STXBP5L: variants seen among roughly 807,000 people sequenced by gnomAD.
STXBP5L encodes the protein syntaxin binding protein 5L, also known as syntaxin-binding protein 5-like.
A neutral mutation model predicts 144.5 loss-of-function variants in STXBP5L; 65 were observed. The observed-to-expected ratio is 0.45, with a 90% confidence interval of 0.37 to 0.55. The LOEUF (loss-of-function observed/expected upper bound fraction) is 0.55. STXBP5L is among the 20% of genes least tolerant of loss of function. The pLI is 0.00. For missense variants in STXBP5L, 1,298 were observed against 1,405.5 expected, an observed-to-expected ratio of 0.92 and a Z score of 1.22; for synonymous variants, 505 against 469.6, an observed-to-expected ratio of 1.08 and a Z score of -0.97.
intron 2 of STXBP5L, among the ~76,000 whole-genome samples, chr3:120,953,627 T>TG (rs1937691494): frequency 6.6e-6 from 1 of 151,854 alleles, no homozygotes; most frequent in African/African-American, 2.4e-5. Flanking sequence ...CATGGGCCAC[T>TG]GTGCCTAGCC....
chr3:120,933,529 A>G (rs1255349524), intron 2 of STXBP5L, among the ~76,000 whole-genome samples: 1 of 152,148 alleles, frequency 6.6e-6, no homozygotes, highest in Non-Finnish European at 1.5e-5. Context: ...ATATATTTTG[A>G]TGAGAGCATT....
chr3:121,317,961 G>C (rs896628006), intron 19 of STXBP5L, among the ~76,000 whole-genome samples: 6 of 152,000 alleles, frequency 3.9e-5, no homozygotes, highest in African/African-American at 1.2e-4. Flanking sequence ...GAGGATATTT[G>C]ATTAGGTATT....
intron 3 of STXBP5L, among the ~76,000 whole-genome samples, chr3:121,010,593 C>G (rs1490188776): frequency 2.0e-5 from 3 of 151,642 alleles, no homozygotes; most frequent in African/African-American, 7.3e-5. Context: ...ATCTGCCACA[C>G]CGTCAAAAGC....
chr3:121,303,750 C>T (rs2052026517), intron 19 of STXBP5L, among the ~76,000 whole-genome samples: 1 of 152,092 alleles, frequency 6.6e-6, no homozygotes, highest in African/African-American at 2.4e-5. Flanking sequence ...AAGCTGGAAA[C>T]CATCATTCTC....
At position 121,181,270 on chromosome 3, in the gene STXBP5L, C is replaced by T. The variant is rs370971726; in HGVS notation, c.877+23643C>T. On this transcript the variant is annotated intron_variant, in intron 9 of 26. Coordinates refer to ENST00000471454, the MANE Select transcript of STXBP5L (RefSeq NM_001308330.2). ...GGTGGAGGTATCAGTTAGCTGAGAT[C>T]GTGCCATTCCACTCCAGCCTGGGCA... Among the ~76,000 whole-genome samples the T allele has an allele frequency of 1.0e-4, 15 of 146,192 alleles. No homozygotes were observed. The South Asian group carries it at 2.2e-3, about 22-fold the overall frequency.
chr3:121,188,707 C>T (rs1214343785), intron 9 of STXBP5L, among the ~76,000 whole-genome samples: 1 of 152,168 alleles, frequency 6.6e-6, no homozygotes, highest in Non-Finnish European at 1.5e-5. Flanking sequence ...ATGACAAAAA[C>T]CACATGATTA....
intron 19 of STXBP5L, among the ~76,000 whole-genome samples, chr3:121,302,029 C>A (rs371294691): frequency 6.6e-6 from 1 of 151,996 alleles, no homozygotes; most frequent in Non-Finnish European, 1.5e-5. Context: ...TGTCTCTGCC[C>A]GGCTTTGGTA....
At position 121,190,051 on chromosome 3, in the gene STXBP5L, CT is replaced by C. The variant is rs556416997; in HGVS notation, c.878-15862del. ...TTTAATAAGCTTTGGTTTTTTGTCC[CT>C]TTTTTTTTTAATTTTTTTAGTATTT... is the stretch of plus-strand genomic sequence containing the variant. On this transcript the variant is annotated intron_variant, in intron 9 of 26. Coordinates refer to ENST00000471454, the MANE Select transcript of STXBP5L (RefSeq NM_001308330.2). 5.4e-3 allele frequency among the ~76,000 whole-genome samples: 788 copies of C among 145,896 alleles called. 8 individuals are homozygous for C. Among genetic ancestry groups the C allele is most frequent in the South Asian group, 0.022 (100 of 4,498 alleles).
At chr3:121,048,390 T>C (rs1299262293) in intron 5 of STXBP5L, among the ~76,000 whole-genome samples, 2 of 152,160 alleles carry the variant, frequency 1.3e-5, no homozygotes, top group African/African-American at 4.8e-5. Context: ...TATTTTGGCC[T>C]CTCTAGTGAG....
chr3:121,007,391 C>T (rs896092966), intron 3 of STXBP5L, among the ~76,000 whole-genome samples: 1 of 151,612 alleles, frequency 6.6e-6, no homozygotes, highest in African/African-American at 2.4e-5. Context: ...AAATTCTGGC[C>T]TCAAATTTAA....
At chr3:121,219,109 C>T (rs1177161105) in intron 10 of STXBP5L, among the ~76,000 whole-genome samples, 1 of 152,082 alleles carries the variant, frequency 6.6e-6, no homozygotes, top group Non-Finnish European at 1.5e-5. Flanking sequence ...TTACTGTCAT[C>T]CCACCTACTT....
chr3:120,917,026 A>C lies in STXBP5L; in HGVS notation c.189+7259A>C, dbSNP rs541826728. 4.3e-4 allele frequency among the ~76,000 whole-genome samples: 66 copies of C among 152,208 alleles called. 1 individual carries two copies. The highest frequency in any genetic ancestry group is 9.4e-4 in the Non-Finnish European group (64 of 68,036). On this transcript the variant is annotated intron_variant, in intron 2 of 26. Coordinates refer to ENST00000471454, the MANE Select transcript of STXBP5L (RefSeq NM_001308330.2). ...AACATCCATGTAGATGGAAAATGTG[A>C]AACTAGAAAAGGAGACAGAGAAGAA...
intron 2 of STXBP5L, among the ~76,000 whole-genome samples, chr3:120,915,992 C>A (rs1486093461): frequency 6.6e-6 from 1 of 152,112 alleles, no homozygotes; most frequent in Non-Finnish European, 1.5e-5. Context: ...ATTTATTATA[C>A]ACCTTTAAAA....
At chr3:121,210,284 T>G (rs887673127) in intron 10 of STXBP5L, among the ~76,000 whole-genome samples, 4 of 152,230 alleles carry the variant, frequency 2.6e-5, no homozygotes, top group African/African-American at 4.8e-5. Context: ...TGGAGTTGTT[T>G]GTTTTTTTCT....
chr3:121,164,496 T>A (rs72966163), intron 9 of STXBP5L, among the ~76,000 whole-genome samples: 2,997 of 152,146 alleles, frequency 0.02, 102 homozygotes, highest in African/African-American at 0.069. Context: ...CCTAAATAAA[T>A]TAAAAATAGA....
At chr3:121,398,522 G>A (rs1242889644) in intron 22 of STXBP5L, among the ~76,000 whole-genome samples, 1 of 152,214 alleles carries the variant, frequency 6.6e-6, no homozygotes, top group Non-Finnish European at 1.5e-5. Flanking sequence ...ACACTGCTTA[G>A]CCCAATGTTT....
intron 4 of STXBP5L, among the ~76,000 whole-genome samples, chr3:121,043,379 C>T (rs1417388153): frequency 6.6e-6 from 1 of 152,094 alleles, no homozygotes; most frequent in Non-Finnish European, 1.5e-5. Context: ...CCGTTCACTT[C>T]TCTCCGATGA....
chr3:120,971,719 TACAC>T (rs987895805), intron 3 of STXBP5L, among the ~76,000 whole-genome samples: 20 of 151,476 alleles, frequency 1.3e-4, no homozygotes, highest in African/African-American at 4.4e-4. Context: ...TACATATATG[TACAC>T]ACACATATAT....
At chr3:120,959,557 T>C (rs891258001) in intron 3 of STXBP5L, among the ~76,000 whole-genome samples, 3 of 152,094 alleles carry the variant, frequency 2.0e-5, no homozygotes, top group African/African-American at 7.2e-5. Flanking sequence ...AACAGAGATA[T>C]AGACCAATGG....
Sources: gnomAD v4.1 joint callset for allele counts (sites outside exome capture counted in the v4.1 genomes callset) on GRCh38, gnomAD v4.1.1 for gene constraint, MANE v1.5 for transcripts, NCBI Gene and HGNC (gene_info 2026-07-23, HGNC 2026-07-21) for gene names.